The following SPAG16 variants were observed in gnomAD, a reference collection of about 807,000 sequenced individuals.
SPAG16 encodes sperm associated antigen 16.
In SPAG16, 86 loss-of-function variants were observed where a neutral mutation model predicts 80.4. That is an observed-to-expected ratio of 1.07 (90% CI 0.90 to 1.28). The LOEUF is 1.28. SPAG16 is among the 50% of genes most tolerant of loss of function. The pLI is 0.00. For missense variants in SPAG16, 870 were observed against 765.3 expected, an observed-to-expected ratio of 1.14 and a Z score of -1.61; for synonymous variants, 294 against 265.9, an observed-to-expected ratio of 1.11 and a Z score of -1.03.
chr2:213,854,173 T>G (rs1404297722), intron 10 of SPAG16, among the ~76,000 whole-genome samples: 1 of 152,200 alleles, frequency 6.6e-6, no homozygotes, highest in Non-Finnish European at 1.5e-5. Flanking sequence ...TAATGTACGA[T>G]GTTTATCAAA....
intron 10 of SPAG16, among the ~76,000 whole-genome samples, chr2:213,493,055 A>G (rs548039132): frequency 6.6e-6 from 1 of 152,344 alleles, no homozygotes; most frequent in South Asian, 2.1e-4. Flanking sequence ...ACCCAAAGGC[A>G]AACTACAAAA....
At chr2:213,358,093 C>T (rs1484824819) in intron 7 of SPAG16, among the ~76,000 whole-genome samples, 2 of 152,162 alleles carry the variant, frequency 1.3e-5, no homozygotes, top group Admixed American at 6.5e-5. Flanking sequence ...CCCCCACTCT[C>T]TTCTGGCTTG....
At chr2:213,896,603 C>T (rs1429113954) in intron 11 of SPAG16, among the ~76,000 whole-genome samples, 282 of 134,504 alleles carry the variant, frequency 2.1e-3, no homozygotes, top group African/African-American at 3.9e-3. Context: ...CACACACACA[C>T]ACACACACAC....
At position 213,695,945 on chromosome 2, in the gene SPAG16, G is replaced by T. The variant is rs372717982; in HGVS notation, c.1071-166540G>T. Among the ~76,000 whole-genome samples, 4 of 152,280 alleles carry T rather than the reference G, an allele frequency of 2.6e-5. No homozygotes were observed. In the South Asian group the frequency reaches 6.2e-4, roughly 24 times the overall value. On this transcript the variant is annotated intron_variant, in intron 10 of 15. Transcript: ENST00000331683. ...AAAAACCCATACCATGCTGAATGTT[G>T]ATGGAGTTACGTAAGGGTAGAAGAA...
At chr2:213,897,252 G>T (rs1339605255) in intron 11 of SPAG16, among the ~76,000 whole-genome samples, 4 of 152,094 alleles carry the variant, frequency 2.6e-5, no homozygotes, top group Admixed American at 2.0e-4. Context: ...GTATTGAACA[G>T]AAAATCAACA....
Position 214,292,094 on chromosome 2 carries a change from C to A in SPAG16, c.1721-118046C>A, listed in dbSNP as rs115959820. Among the ~76,000 whole-genome samples, 709 of 152,168 alleles carry A rather than the reference C, an allele frequency of 4.7e-3. 4 individuals are homozygous for A. Among genetic ancestry groups the A allele is most frequent in the African/African-American group, 0.016 (674 of 41,518 alleles). On this transcript the variant is annotated intron_variant, in intron 15 of 15. Coordinates refer to ENST00000331683, the MANE Select transcript of SPAG16 (RefSeq NM_024532.5). ...GTTATTCCATTTTCTCCTGGCCTAA[C>A]AGGTTTCTGCTGAGCCCCAGTGTTA...
chr2:214,099,348 T>C (rs920825258), intron 13 of SPAG16, among the ~76,000 whole-genome samples: 1 of 152,130 alleles, frequency 6.6e-6, no homozygotes, highest in Non-Finnish European at 1.5e-5. Context: ...TTTACATAAA[T>C]TTCTCCCACT....
chr2:213,385,807 C>T (rs894405794), intron 9 of SPAG16, among the ~76,000 whole-genome samples: 2 of 151,846 alleles, frequency 1.3e-5, no homozygotes, highest in African/African-American at 4.8e-5. Flanking sequence ...CACACACACA[C>T]ACACACACAC....
intron 13 of SPAG16, among the ~76,000 whole-genome samples, chr2:214,099,574 G>A (rs2052848263): frequency 6.6e-6 from 1 of 151,950 alleles, no homozygotes; most frequent in African/African-American, 2.4e-5. Flanking sequence ...TCATTTATAT[G>A]AACTAAGGTA....
chr2:214,157,818 A>G (rs1412224487), intron 15 of SPAG16, among the ~76,000 whole-genome samples: 3 of 152,238 alleles, frequency 2.0e-5, no homozygotes, highest in Admixed American at 1.3e-4. Context: ...TTCTGATATC[A>G]GGCTTGAAAG....
intron 12 of SPAG16, among the ~76,000 whole-genome samples, chr2:213,989,575 G>A (rs981701495): frequency 6.6e-6 from 1 of 151,994 alleles, no homozygotes; most frequent in African/African-American, 2.4e-5. Context: ...CTTCAGGATA[G>A]ACCACAGCCA....
At chr2:214,358,609 A>T (rs1576876616) in intron 15 of SPAG16, among the ~76,000 whole-genome samples, 2 of 151,738 alleles carry the variant, frequency 1.3e-5, no homozygotes, top group African/African-American at 2.4e-5. Context: ...TCTGCTTCTC[A>T]TACCACCCCT....
At chr2:214,112,728 A>G (rs547142126) in intron 14 of SPAG16, among the ~76,000 whole-genome samples, 2 of 145,366 alleles carry the variant, frequency 1.4e-5, no homozygotes, top group Non-Finnish European at 3.0e-5. Flanking sequence ...TGCAGGTGAG[A>G]TGGGTCTCCT....
chr2:213,715,753 ACT>A (rs1277611421), intron 10 of SPAG16, among the ~76,000 whole-genome samples: 1 of 152,178 alleles, frequency 6.6e-6, no homozygotes, highest in Non-Finnish European at 1.5e-5. Flanking sequence ...CACAAAGCAC[ACT>A]GTTTTCCTCA....
chr2:213,334,962 T>C (rs2064279106), intron 5 of SPAG16, among the ~76,000 whole-genome samples: 1 of 152,192 alleles, frequency 6.6e-6, no homozygotes, highest in African/African-American at 2.4e-5. Flanking sequence ...TTCGATTTTT[T>C]GTAACAGGAT....
chr2:213,998,178 T>G (rs553590272), intron 12 of SPAG16, among the ~76,000 whole-genome samples: 79 of 152,296 alleles, frequency 5.2e-4, no homozygotes, highest in African/African-American at 1.8e-3. Flanking sequence ...CAAGATGAAT[T>G]CCAAAGGGAA....
At chr2:213,982,651 AAGAC>A (rs2045816597) in intron 12 of SPAG16, among the ~76,000 whole-genome samples, 2 of 91,884 alleles carry the variant, frequency 2.2e-5, no homozygotes, top group Admixed American at 1.1e-4. Flanking sequence ...GTGTGTGTGA[AAGAC>A]AGAGTGGTGG....
At chr2:213,832,505 C>G (rs2073729659) in intron 10 of SPAG16, among the ~76,000 whole-genome samples, 1 of 152,082 alleles carries the variant, frequency 6.6e-6, no homozygotes, top group Non-Finnish European at 1.5e-5. Flanking sequence ...ATAGAAAGTA[C>G]AGTCCCTCTC....
At chr2:213,960,124 AT>A (rs2044339407) in intron 12 of SPAG16, among the ~76,000 whole-genome samples, 1 of 151,856 alleles carries the variant, frequency 6.6e-6, no homozygotes, top group Non-Finnish European at 1.5e-5. Flanking sequence ...CTATCTTCAA[AT>A]TTGTTTCCTC....
Sources: gnomAD v4.1 joint callset for allele counts (sites outside exome capture counted in the v4.1 genomes callset) on GRCh38, gnomAD v4.1.1 for gene constraint, MANE v1.5 for transcripts, NCBI Gene and HGNC (gene_info 2026-07-23, HGNC 2026-07-21) for gene names.